ROBO1: variants seen among roughly 807,000 people sequenced by gnomAD.
ROBO1 encodes the protein roundabout homolog 1.
A neutral mutation model predicts 195.9 loss-of-function variants in ROBO1; 149 were observed. The observed-to-expected ratio is 0.76, with a 90% confidence interval of 0.67 to 0.87. The LOEUF (loss-of-function observed/expected upper bound fraction) is 0.87, where lower values mean the gene tolerates loss of function less well. Among genes scored for constraint, ROBO1 ranks in the 40% least tolerant of loss-of-function variants. The pLI is 0.00. For missense variants in ROBO1, 1,933 were observed against 2,068.3 expected, an observed-to-expected ratio of 0.93 and a Z score of 1.27; for synonymous variants, 816 against 733.2, an observed-to-expected ratio of 1.11 and a Z score of -1.82.
intron 3 of ROBO1, among the ~76,000 whole-genome samples, chr3:79,107,160 C>CACACAT (rs1559663881): frequency 2.9e-4 from 43 of 150,410 alleles, no homozygotes; most frequent in African/African-American, 9.8e-4. Context: ...CACACACACA[C>CACACAT]ACCACTTGGC....
intron 3 of ROBO1, among the ~76,000 whole-genome samples, chr3:78,948,434 T>G (rs2040580162): frequency 6.6e-6 from 1 of 152,198 alleles, no homozygotes; most frequent in Non-Finnish European, 1.5e-5. Context: ...TCTCAATAGA[T>G]GCAGAAAAGG....
intron 2 of ROBO1, among the ~76,000 whole-genome samples, chr3:79,428,296 A>G (rs1015168999): frequency 4.6e-5 from 7 of 151,682 alleles, no homozygotes; most frequent in Admixed American, 1.3e-4. Flanking sequence ...TTAAAAAGAA[A>G]TATTAATAAA....
At chr3:79,632,010 C>G (rs1272617562) in intron 1 of ROBO1, among the ~76,000 whole-genome samples, 1 of 151,992 alleles carries the variant, frequency 6.6e-6, no homozygotes, top group Non-Finnish European at 1.5e-5. Context: ...ATAGGGAATG[C>G]TTGCTTATAT....
chr3:79,008,849 G>T (rs1054605712), intron 3 of ROBO1, among the ~76,000 whole-genome samples: 1 of 144,716 alleles, frequency 6.9e-6, no homozygotes, highest in Non-Finnish European at 1.5e-5. Flanking sequence ...TCAATCTCCC[G>T]AAGTACTAAG....
chr3:79,047,113 C>T (rs943672908), intron 3 of ROBO1, among the ~76,000 whole-genome samples: 1 of 151,944 alleles, frequency 6.6e-6, no homozygotes, highest in East Asian at 1.9e-4. Flanking sequence ...GAAATCTGGA[C>T]GTTGAGGCTG....
At chr3:78,599,921 C>T (rs944535474) in intron 30 of ROBO1, 192 bp downstream of exon 30, 1 of 631,350 alleles carries the variant, frequency 1.6e-6, no homozygotes, top group Non-Finnish European at 2.8e-6. Flanking sequence ...CTGCCATTAA[C>T]ATTTAAAACT....
intron 2 of ROBO1, among the ~76,000 whole-genome samples, chr3:79,436,093 A>G (rs996768678): frequency 3.9e-5 from 6 of 152,190 alleles, no homozygotes; most frequent in Non-Finnish European, 5.9e-5. Context: ...AGAAAGAATA[A>G]TAAGTTCTCA....
At chr3:79,744,307 A>G (rs1703777335) in intron 1 of ROBO1, among the ~76,000 whole-genome samples, 1 of 152,168 alleles carries the variant, frequency 6.6e-6, no homozygotes, top group Admixed American at 6.5e-5. Context: ...GTATATAAAT[A>G]TGTATTTAGG....
intron 2 of ROBO1, among the ~76,000 whole-genome samples, chr3:79,129,876 T>A (rs1179668814): frequency 2.0e-5 from 3 of 147,910 alleles, no homozygotes; most frequent in African/African-American, 5.0e-5. Flanking sequence ...AAGGAAGGGA[T>A]CCAGTTTCAG....
chr3:79,422,251 GAAAT>G (rs775392880), intron 2 of ROBO1, among the ~76,000 whole-genome samples: 19 of 150,288 alleles, frequency 1.3e-4, no homozygotes, highest in Admixed American at 4.0e-4. Flanking sequence ...ACGTACAAGT[GAAAT>G]AAATAATATT....
At chr3:78,846,430 C>T (rs1359914243) in intron 4 of ROBO1, among the ~76,000 whole-genome samples, 2 of 152,076 alleles carry the variant, frequency 1.3e-5, no homozygotes, top group African/African-American at 4.8e-5. Context: ...CCAAAGTCCA[C>T]TCTTAGACAT....
chr3:79,493,467 T>C (rs1459394192), intron 2 of ROBO1, among the ~76,000 whole-genome samples: 2 of 152,034 alleles, frequency 1.3e-5, no homozygotes, highest in Non-Finnish European at 2.9e-5. Flanking sequence ...TGCTAAGACC[T>C]AAGGATATCA....
intron 4 of ROBO1, among the ~76,000 whole-genome samples, chr3:78,870,586 C>T (rs1466583344): frequency 6.6e-6 from 1 of 152,140 alleles, no homozygotes; most frequent in East Asian, 1.9e-4. Context: ...AAGGCTTTCC[C>T]TTGCACTGCC....
chr3:78,703,304 C>T (rs2107954953), intron 8 of ROBO1, among the ~76,000 whole-genome samples: 1 of 152,244 alleles, frequency 6.6e-6, no homozygotes, highest in South Asian at 2.1e-4. Context: ...TGCTCAGCAT[C>T]TTATTTACGC....
intron 3 of ROBO1, among the ~76,000 whole-genome samples, chr3:79,090,872 T>A (rs2079467400): frequency 6.6e-6 from 1 of 152,240 alleles, no homozygotes; most frequent in Non-Finnish European, 1.5e-5. Flanking sequence ...AGCTTTATCA[T>A]GTTTAAATTC....
Position 79,625,423 on chromosome 3 carries a change from G to GAAAAAAAAAAAAAAAAAAA in ROBO1, c.-50-35481_-50-35463dup. ...AAGTAATCCAGTAGCTGTTTTTTTTGAAAAAAAAAAAAAAAAAAAAAGCAA... is the reference window on the plus strand; with the variant it reads ...AAGTAATCCAGTAGCTGTTTTTTTTGAAAAAAAAAAAAAAAAAAAAAAAAAAAAAAAAAAAAAAAAGCAA... On this transcript the variant is annotated intron_variant, in intron 1 of 30. Transcript: ENST00000464233. Among the ~76,000 whole-genome samples, 61 of 13,872 alleles carry GAAAAAAAAAAAAAAAAAAA rather than the reference G, an allele frequency of 4.4e-3. 5 individuals are homozygous for GAAAAAAAAAAAAAAAAAAA. The highest frequency in any genetic ancestry group is 9.6e-3 in the East Asian group (3 of 314). The allele number at this position is 13,872 out of a possible 152,430, so 9.1% of individuals were successfully genotyped here.
intron 2 of ROBO1, among the ~76,000 whole-genome samples, chr3:79,450,046 A>G (rs761996449): frequency 1.1e-4 from 17 of 151,960 alleles, no homozygotes; most frequent in Non-Finnish European, 2.1e-4. Context: ...AGGGATACAA[A>G]CATTTTGTTT....
intron 2 of ROBO1, among the ~76,000 whole-genome samples, chr3:79,575,193 T>TATATAAC (rs1943421528): frequency 2.4e-5 from 3 of 125,096 alleles, no homozygotes; most frequent in African/African-American, 9.5e-5. Context: ...AACATATATA[T>TATATAAC]AAATATATAT....
chr3:78,893,166 A>C (rs903889619), intron 4 of ROBO1, among the ~76,000 whole-genome samples: 11 of 152,180 alleles, frequency 7.2e-5, no homozygotes, highest in African/African-American at 2.7e-4. Context: ...CTGTGGTTTG[A>C]ATGTGTCTTC....
Sources: allele counts gnomAD v4.1 joint callset (sites outside exome capture counted in the v4.1 genomes callset), GRCh38; gene constraint gnomAD v4.1.1; transcripts MANE v1.5; gene names NCBI Gene and HGNC (gene_info 2026-07-23, HGNC 2026-07-21).